Variants in WHRN observed in about 807,000 individuals in gnomAD.
WHRN encodes the protein whirlin.
WHRN carries 41 observed loss-of-function variants against 68.3 expected under a neutral mutation model. That is an observed-to-expected ratio of 0.60 (90% CI 0.47 to 0.78). The LOEUF is 0.78. Among genes scored for constraint, WHRN ranks in the 30% least tolerant of loss-of-function variants. The probability of loss-of-function intolerance (pLI) is 0.00; values close to 1 mark genes in which losing one functional copy is unlikely to be tolerated. For synonymous variants in WHRN, 560 were observed against 561.3 expected (o/e 1.00, Z 0.03); for missense variants, 1,243 against 1,244.7 (o/e 1.00, Z 0.02).
intron 3 of WHRN, among the ~76,000 whole-genome samples, chr9:114,449,980 G>C (rs1184011557): frequency 1.3e-5 from 2 of 152,092 alleles, no homozygotes; most frequent in African/African-American, 4.8e-5. Flanking sequence ...ACAGGAGCTT[G>C]GGAAGCACTG....
At position 114,402,185 on chromosome 9, in the gene WHRN, T is replaced by A. The variant is rs947684433; in HGVS notation, c.*569A>T. On this transcript the variant is annotated 3_prime_UTR_variant, in exon 12 of 12. Transcript: ENST00000362057. Reference sequence around the variant, plus strand: ...CAAGGCCTCTGGGATAGGCTGGGGGTGCAGAGGGAAGCTGGGGCCTTGGGG... The same window carrying A: ...CAAGGCCTCTGGGATAGGCTGGGGGAGCAGAGGGAAGCTGGGGCCTTGGGG... 1 of 168,302 alleles carries A rather than the reference T, an allele frequency of 5.9e-6. No homozygotes were observed. The highest frequency in any genetic ancestry group is 2.4e-5 in the African/African-American group (1 of 41,742). The allele number at this position is 168,302 out of a possible 1,614,324, so 10.4% of individuals were successfully genotyped here. A position where few individuals can be genotyped will look rare whatever the true frequency, so the allele number is the denominator to read the frequency against.
In WHRN at chr9:114,406,817, T is replaced by TGG; in HGVS notation, c.1773_1774insCC (p.Asn592ProfsTer6). Reference sequence around the variant, plus strand: ...CTTGGCTGGCCTAGTGGGAGGTCGTTGCCTTGGGCCAGAGGTGGTGGGCGA... The same window carrying TGG: ...CTTGGCTGGCCTAGTGGGAGGTCGTTGGGCCTTGGGCCAGAGGTGGTGGGCGA... On this transcript the variant is annotated frameshift_variant, in exon 9 of 12. Coordinates refer to ENST00000362057, the MANE Select transcript of WHRN (RefSeq NM_015404.4). LOFTEE classifies it high-confidence loss of function. The TGG allele has an allele frequency of 6.2e-7, 1 of 1,611,356 alleles. No homozygotes were observed. Among genetic ancestry groups the TGG allele is most frequent in the South Asian group, 1.1e-5 (1 of 90,698 alleles).
chr9:114,499,583 G>A (rs905159234), intron 1 of WHRN, among the ~76,000 whole-genome samples: 1 of 152,180 alleles, frequency 6.6e-6, no homozygotes, highest in African/African-American at 2.4e-5. Flanking sequence ...CCCTATGGAC[G>A]CCTGCTTCGG....
intron 2 of WHRN, among the ~76,000 whole-genome samples, chr9:114,468,787 G>T (rs755216465): frequency 4.1e-4 from 62 of 152,158 alleles, no homozygotes; most frequent in Admixed American, 1.4e-3. Context: ...GGACACTTGG[G>T]AACAGTAACC....
chr9:114,416,675 T>A (rs1835841375), intron 7 of WHRN, among the ~76,000 whole-genome samples: 1 of 152,204 alleles, frequency 6.6e-6, no homozygotes, highest in Non-Finnish European at 1.5e-5. Flanking sequence ...AAACCTCTTT[T>A]CTTCATAAAT....
intron 3 of WHRN, among the ~76,000 whole-genome samples, chr9:114,437,167 G>A (rs558661358): frequency 2.0e-5 from 3 of 152,078 alleles, no homozygotes; most frequent in Non-Finnish European, 4.4e-5. Flanking sequence ...AAATCACTGT[G>A]ACAAAGACAG....
chr9:114,437,350 G>A (rs1161323640), intron 3 of WHRN, among the ~76,000 whole-genome samples: 1 of 152,132 alleles, frequency 6.6e-6, no homozygotes, highest in Admixed American at 6.5e-5. Context: ...AAGGAAACAT[G>A]TAACCTGACT....
chr9:114,459,244 G>C (rs550828510), intron 3 of WHRN, among the ~76,000 whole-genome samples: 1 of 152,074 alleles, frequency 6.6e-6, no homozygotes, highest in African/African-American at 2.4e-5. Context: ...GATCACTTGA[G>C]GTCAGGAGTT....
chr9:114,403,259 G>A lies in WHRN; in HGVS notation c.2499C>T (p.Gly833=), dbSNP rs755304293. The part of the protein sequence containing the change: ...AATLGIAIEG[G]ANTRQPLPRI... The stretch of plus-strand genomic sequence containing the variant: ...TAGGCAGGGGCTGGCGGGTGTTGGC[G>A]CCACCCTCGATGGCGATGCCCAGGG... The change falls in exon 11 of 12, where the codon GGC becomes GGT. Residue 833 remains glycine (G), a synonymous_variant. Coordinates refer to ENST00000362057, the MANE Select transcript of WHRN (RefSeq NM_015404.4). 18 of 1,614,004 alleles carry A rather than the reference G, an allele frequency of 1.1e-5. No homozygotes were observed. In the African/African-American group the frequency reaches 1.2e-4, roughly 11 times the overall value.
At chr9:114,443,357 T>A (rs1838545262) in intron 3 of WHRN, among the ~76,000 whole-genome samples, 2 of 152,060 alleles carry the variant, frequency 1.3e-5, no homozygotes, top group African/African-American at 4.8e-5. Flanking sequence ...CAGGACAGAG[T>A]TCCTTTCTGG....
intron 3 of WHRN, among the ~76,000 whole-genome samples, chr9:114,450,037 T>G (rs1839184072): frequency 6.6e-6 from 1 of 152,040 alleles, no homozygotes; most frequent in South Asian, 2.1e-4. Flanking sequence ...CTCTGAGGCT[T>G]AGGACTTGTG....
chr9:114,406,557 G>A lies in WHRN; in HGVS notation c.2034C>T (p.Gly678=). Residue 678 remains glycine (G), a synonymous_variant, in exon 9 of 12, where the codon GGC becomes GGT. Transcript: ENST00000362057. ...HLALVNQHPI[G]PFPRVQSPPH... is the part of the protein sequence containing the mutation. Reference sequence around the variant, plus strand: ...GGGGTGACTGGACCCGTGGGAAGGGGCCGATGGGGTGTTGGTTGACCAGGG... The same window carrying A: ...GGGGTGACTGGACCCGTGGGAAGGGACCGATGGGGTGTTGGTTGACCAGGG... 3 of 1,612,382 alleles carry A rather than the reference G, an allele frequency of 1.9e-6. No individual in the cohort carries two copies. The highest frequency in any genetic ancestry group is 2.5e-6 in the Non-Finnish European group (3 of 1,178,886).
At chr9:114,429,737 A>G (rs1837238757) in intron 3 of WHRN, among the ~76,000 whole-genome samples, 2 of 151,940 alleles carry the variant, frequency 1.3e-5, no homozygotes, top group South Asian at 4.2e-4. Context: ...GCCCTTCCCT[A>G]TCTCGCCTCT....
At position 114,402,414 on chromosome 9, in the gene WHRN, T is replaced by G. The variant is rs1203780193; in HGVS notation, c.*340A>C. The G allele has an allele frequency of 8.1e-6, 3 of 368,744 alleles. No homozygotes were observed. Among genetic ancestry groups the G allele is most frequent in the Non-Finnish European group, 1.6e-5 (3 of 193,238 alleles). The allele number at this position is 368,744 out of a possible 1,614,324, so 22.8% of individuals were successfully genotyped here. A position where few individuals can be genotyped will look rare whatever the true frequency, so the allele number is the denominator to read the frequency against. ...AAGGCTCAGGCATCTGGGGATGGGC[T>G]GGGTCCTAGCTGGAGGGGGGACAGC... On this transcript the variant is annotated 3_prime_UTR_variant, in exon 12 of 12. Transcript: ENST00000362057.
At chr9:114,486,991 ATATAT>A (rs1285637276) in intron 1 of WHRN, among the ~76,000 whole-genome samples, 1 of 6,806 alleles carries the variant, frequency 1.5e-4, no homozygotes, top group African/African-American at 1.9e-4. Flanking sequence ...ATATATATAT[ATATAT>A]ATATATATAT....
intron 10 of WHRN, 146 bp from the exon 11 acceptor site, chr9:114,403,485 G>T (rs1360367328): frequency 9.3e-7 from 1 of 1,079,094 alleles, no homozygotes; most frequent in Non-Finnish European, 1.4e-6. Context: ...AACGCACTAA[G>T]CCAAGCACTT....
chr9:114,408,276 G>A (rs1276906922), intron 7 of WHRN, among the ~76,000 whole-genome samples: 1 of 152,170 alleles, frequency 6.6e-6, no homozygotes, highest in South Asian at 2.1e-4. Context: ...CAGAGATGCT[G>A]GGGCATCTCT....
At chr9:114,478,252 C>A in intron 2 of WHRN, 1 of 650,288 alleles carries the variant, frequency 1.5e-6, no homozygotes, top group South Asian at 1.8e-5. Flanking sequence ...CTCGTGACCG[C>A]ATTCCAGCCT....
chr9:114,441,181 A>C (rs903084209), intron 3 of WHRN, among the ~76,000 whole-genome samples: 3 of 152,202 alleles, frequency 2.0e-5, no homozygotes, highest in Non-Finnish European at 4.4e-5. Flanking sequence ...AGAATATGGT[A>C]TATAGATATA....
Sources: gnomAD v4.1 joint callset for allele counts (sites outside exome capture counted in the v4.1 genomes callset) on GRCh38, gnomAD v4.1.1 for gene constraint, MANE v1.5 for transcripts, NCBI Gene and HGNC (gene_info 2026-07-23, HGNC 2026-07-21) for gene names.